The following STOX1 variants were observed in gnomAD, a reference collection of about 807,000 sequenced individuals.
The protein encoded by STOX1 is storkhead-box protein 1.
Under a neutral mutation model 74.8 loss-of-function variants are expected in STOX1, and 57 were observed. The ratio of observed to expected loss-of-function variants is 0.76; its 90% CI spans 0.62 to 0.95. STOX1 has a LOEUF of 0.95. Among genes scored for constraint, STOX1 ranks in the 40% least tolerant of loss-of-function variants. STOX1 has a pLI of 0.00. For synonymous variants in STOX1, 375 were observed against 401.3 expected, an observed-to-expected ratio of 0.93 and a Z score of 0.78; for missense variants, 1,010 against 1,117.0, an observed-to-expected ratio of 0.90 and a Z score of 1.37.
chr10:68,861,541 C>G lies in STOX1; in HGVS notation c.311-20417C>G, dbSNP rs143556572. Among the ~76,000 whole-genome samples the G allele has an allele frequency of 7.2e-5, 11 of 152,090 alleles. No individual in the cohort carries two copies. In the East Asian group the frequency reaches 1.9e-3, roughly 27 times the overall value. On this transcript the variant is annotated intron_variant, in intron 1 of 3. Coordinates refer to ENST00000298596, the MANE Select transcript of STOX1 (RefSeq NM_152709.5). ...TCTTGTTTATGACCAGTCTTGAGGA[C>G]TGTTCCTTGCATGTCCCCCTTTTTG...
chr10:68,876,062 T>C, intron 1 of STOX1, among the ~76,000 whole-genome samples: 1 of 151,304 alleles, frequency 6.6e-6, no homozygotes, highest in Non-Finnish European at 1.5e-5. Context: ...ATCATTACTT[T>C]TGACTTTTTT....
intron 1 of STOX1, among the ~76,000 whole-genome samples, chr10:68,861,985 A>AATT (rs1564578814): frequency 1.5e-5 from 2 of 133,704 alleles, no homozygotes; most frequent in African/African-American, 6.1e-5. Context: ...ATTCCAAACT[A>AATT]ACTATCTCCT....
intron 1 of STOX1, among the ~76,000 whole-genome samples, chr10:68,874,640 G>A (rs1159174542): frequency 1.3e-5 from 1 of 77,144 alleles, no homozygotes; most frequent in Non-Finnish European, 2.5e-5. Flanking sequence ...CAGCCTGGGC[G>A]ACAGAGCGAG....
At position 68,886,042 on chromosome 10, in the gene STOX1, G is replaced by A. The variant is rs754782886; in HGVS notation, c.2246G>A (p.Arg749His). ...GACATTTCTGAGAATGACGACTTAC[G>A]TCAAATGCTGCCTGGCCACAGTCAG... is the stretch of plus-strand genomic sequence containing the variant. ...EDDISENDDL[R>H]QMLPGHSQYS... The change falls in exon 3 of 4, where the codon CGT becomes CAT. Residue 749 changes from arginine (R) to histidine (H), a missense_variant. Physicochemically the swap from Arg to His is conservative, Grantham distance 29. Transcript: ENST00000298596. 22 of 1,614,086 alleles carry A rather than the reference G, an allele frequency of 1.4e-5. No individual in the cohort carries two copies. The highest frequency in any genetic ancestry group is 2.2e-5 in the South Asian group (2 of 91,090).
At chr10:68,861,592 G>A (rs2133560799) in intron 1 of STOX1, among the ~76,000 whole-genome samples, 2 of 152,264 alleles carry the variant, frequency 1.3e-5, no homozygotes, top group East Asian at 1.9e-4. Context: ...AAAAACCAAG[G>A]CAGCTTTATA....
intron 1 of STOX1, chr10:68,828,245 C>T: frequency 6.4e-6 from 7 of 1,093,886 alleles, no homozygotes; most frequent in Middle Eastern, 3.6e-4. Flanking sequence ...GCGGCCGCCG[C>T]GCGGCTTCCG....
rs1564588077 is a variant in STOX1 at position 68,885,035 on chromosome 10, G to C, written c.1239G>C (p.Lys413Asn). The change falls in exon 3 of 4, where the codon AAG (lysine) becomes AAC (asparagine). Residue 413 changes from lysine to asparagine, a missense_variant. Coordinates refer to ENST00000298596, the MANE Select transcript of STOX1 (RefSeq NM_152709.5). ...GHKYPSKEGV[K>N]KRQGLSAKPQ... Reference sequence around the variant, plus strand: ...AGTATCCTTCAAAAGAGGGGGTTAAGAAAAGGCAGGGTCTGTCTGCAAAAC... The same window carrying C: ...AGTATCCTTCAAAAGAGGGGGTTAACAAAAGGCAGGGTCTGTCTGCAAAAC... 6.2e-7 allele frequency: 1 copy of C among 1,614,174 alleles called. No individual in the cohort carries two copies. The highest frequency in any genetic ancestry group is 8.5e-7 in the Non-Finnish European group (1 of 1,180,024).
At chr10:68,860,400 C>T (rs1399792143) in intron 1 of STOX1, among the ~76,000 whole-genome samples, 2 of 150,980 alleles carry the variant, frequency 1.3e-5, no homozygotes, top group Admixed American at 6.6e-5. Context: ...GGTGAAACTC[C>T]ATCTCTACTA....
At chr10:68,882,953 G>A (rs1840846040) in intron 2 of STOX1, among the ~76,000 whole-genome samples, 1 of 152,180 alleles carries the variant, frequency 6.6e-6, no homozygotes, top group Non-Finnish European at 1.5e-5. Flanking sequence ...AGAGTGCAGA[G>A]GCACCTTCTT....
chr10:68,868,419 T>C (rs1370605909), intron 1 of STOX1, among the ~76,000 whole-genome samples: 2 of 152,262 alleles, frequency 1.3e-5, no homozygotes, highest in African/African-American at 2.4e-5. Context: ...CCATTGTTTG[T>C]GGTTTAGGAA....
At chr10:68,879,947 A>G (rs1840769872) in intron 1 of STOX1, among the ~76,000 whole-genome samples, 1 of 152,160 alleles carries the variant, frequency 6.6e-6, no homozygotes, top group Admixed American at 6.5e-5. Flanking sequence ...ATAGCACTGA[A>G]TGTCCTGTGT....
At chr10:68,845,394 C>T (rs1839814228) in intron 1 of STOX1, among the ~76,000 whole-genome samples, 1 of 151,412 alleles carries the variant, frequency 6.6e-6, no homozygotes, top group Non-Finnish European at 1.5e-5. Flanking sequence ...CTGCCTCAGC[C>T]TCCTGAGTAG....
chr10:68,892,677 A>T lies in STOX1; in HGVS notation c.2911A>T (p.Ser971Cys), dbSNP rs960938226. ...NFLQNVEGTKSSQPLTSNSLL... is the reference protein window; with the variant it reads ...NFLQNVEGTKCSQPLTSNSLL... The stretch of plus-strand genomic sequence containing the variant: ...TCTGCAAAATGTCGAAGGCACAAAG[A>T]GCAGTCAACCACTCACATCTAATTC... Residue 971 changes from serine to cysteine, a missense_variant, in exon 4 of 4, where the codon AGC (serine) becomes TGC (cysteine). By Grantham distance (112) the Ser-to-Cys change is moderately radical. Coordinates refer to ENST00000298596, the MANE Select transcript of STOX1 (RefSeq NM_152709.5). The T allele has an allele frequency of 1.9e-6, 3 of 1,613,892 alleles. No individual in the cohort carries two copies. The African/African-American group carries it at 4.0e-5, about 22-fold the overall frequency.
At position 68,886,650 on chromosome 10, in the gene STOX1, C is replaced by T. The variant is rs202006435; in HGVS notation, c.2822+32C>T. On this transcript the variant is annotated intron_variant, in intron 3 of 3. Transcript: ENST00000298596. ...CCATACAAAAGTGTCTGATTTAGGCCGGGCGCAGTGGCTCATGCCTGTAAT... is the reference window on the plus strand; with the variant it reads ...CCATACAAAAGTGTCTGATTTAGGCTGGGCGCAGTGGCTCATGCCTGTAAT... 427 of 1,599,918 alleles carry T rather than the reference C, an allele frequency of 2.7e-4. 7 individuals carry two copies. The South Asian group carries it at 4.1e-3, about 15-fold the overall frequency.
At position 68,892,843 on chromosome 10, in the gene STOX1, A is replaced by G. The variant is rs1184346429; in HGVS notation, c.*107A>G. On this transcript the variant is annotated 3_prime_UTR_variant, in exon 4 of 4. Transcript: ENST00000298596. ...ATATAAGAATTGTCTAAAGGCAAGC[A>G]TATCTATACTATTAACCACATTACA... The G allele has an allele frequency of 1.2e-5, 15 of 1,240,022 alleles. No individual in the cohort carries two copies. The East Asian group carries it at 3.5e-4, about 29-fold the overall frequency. The allele number at this position is 1,240,022 out of a possible 1,614,324, so 76.8% of individuals were successfully genotyped here. A position where few individuals can be genotyped will look rare whatever the true frequency, so the allele number is the denominator to read the frequency against.
chr10:68,840,783 A>T (rs1005260272), intron 1 of STOX1, among the ~76,000 whole-genome samples: 4 of 151,956 alleles, frequency 2.6e-5, no homozygotes, highest in African/African-American at 9.6e-5. Context: ...GCTTGTCTTG[A>T]ACTCCTGAGT....
intron 1 of STOX1, among the ~76,000 whole-genome samples, chr10:68,853,594 C>T (rs1589223501): frequency 6.6e-6 from 1 of 152,062 alleles, no homozygotes; most frequent in African/African-American, 2.4e-5. Flanking sequence ...AATGGCAGGG[C>T]TTTTCAGGCT....
rs548778007 is a variant in STOX1, at chr10:68,868,531, G to C, written c.311-13427G>C. Among the ~76,000 whole-genome samples, 3 of 152,328 alleles carry C rather than the reference G, an allele frequency of 2.0e-5. No individual in the cohort carries two copies. The East Asian group carries it at 5.8e-4, about 29-fold the overall frequency. ...TGAGCATCATAGCCATCACGAGCAT[G>C]TCACAGTGCTGCAGAGATCTTGTTT... On this transcript the variant is annotated intron_variant, in intron 1 of 3. Transcript: ENST00000298596.
At chr10:68,878,240 G>C (rs1164029266) in intron 1 of STOX1, among the ~76,000 whole-genome samples, 1 of 152,118 alleles carries the variant, frequency 6.6e-6, no homozygotes, top group Non-Finnish European at 1.5e-5. Context: ...ATTTAAAATT[G>C]TACTTTAATT....
Sources: allele counts gnomAD v4.1 joint callset (sites outside exome capture counted in the v4.1 genomes callset), GRCh38; gene constraint gnomAD v4.1.1; transcripts MANE v1.5; gene names NCBI Gene and HGNC (gene_info 2026-07-23, HGNC 2026-07-21).